The following ZC3H12B variants were observed in gnomAD, a reference collection of about 807,000 sequenced individuals.
ZC3H12B encodes probable ribonuclease ZC3H12B.
Under a neutral mutation model 43.9 loss-of-function variants are expected in ZC3H12B, and 7 were observed. The observed-to-expected ratio is 0.16, with a 90% CI of 0.09 to 0.30. The LOEUF is 0.30. Among genes scored for constraint, ZC3H12B ranks in the 10% least tolerant of loss-of-function variants. ZC3H12B has a pLI of 1.00. For synonymous variants in ZC3H12B, 222 were observed against 241.7 expected (o/e 0.92, Z 0.76); for missense variants, 475 against 670.2 (o/e 0.71, Z 3.22).
rs1333674433 is a variant in ZC3H12B, at chrX:65,423,751, A to G, written n.407+25047A>G. ...AAGTTCCTTGTAGATTCTGGATATT[A>G]GCCCTTTGCCAGATGGATAGATTGC... On this transcript the variant is annotated intron_variant and non_coding_transcript_variant, in intron 3 of 5. Transcript: ENST00000617377. 2.7e-5 allele frequency among the ~76,000 whole-genome samples: 3 copies of G among 111,815 alleles called. No individual in the cohort carries two copies. The East Asian group carries it at 8.4e-4, about 31-fold the overall frequency.
At chrX:65,489,145 C>T (rs1438709670) in exon 1 of ZC3H12B, 3 of 1,210,068 alleles carry the variant, frequency 2.5e-6, no homozygotes, top group Non-Finnish European at 3.4e-6. Context: ...ATGGAGTTTG[C>T]GCTAAAGCTG....
chrX:65,211,097 A>T, the ZC3H12B span, among the ~76,000 whole-genome samples: 2 of 105,798 alleles, frequency 1.9e-5, no homozygotes, highest in Non-Finnish European at 3.9e-5. Context: ...AGAAAAAAAA[A>T]AAAAAAAGAA....
At chrX:65,379,657 C>A (rs776499200) in intron 2 of ZC3H12B, among the ~76,000 whole-genome samples, 3 of 112,151 alleles carry the variant, frequency 2.7e-5, no homozygotes, top group Non-Finnish European at 3.8e-5. Flanking sequence ...TCAAATTAAT[C>A]CAAGCTACGG....
the ZC3H12B span, among the ~76,000 whole-genome samples, chrX:65,201,019 G>C: frequency 4.5e-5 from 5 of 111,681 alleles, no homozygotes; most frequent in African/African-American, 1.3e-4. Context: ...TTGTATGTCT[G>C]CCAGGTTTTG....
chrX:65,373,433 C>T (rs1342913107), intron 2 of ZC3H12B, among the ~76,000 whole-genome samples: 1 of 111,391 alleles, frequency 9.0e-6, no homozygotes, highest in Non-Finnish European at 1.9e-5. Context: ...TATAAAGACA[C>T]ATACACACGT....
the ZC3H12B span, among the ~76,000 whole-genome samples, chrX:65,142,040 T>A: frequency 8.9e-6 from 1 of 112,261 alleles, no homozygotes; most frequent in African/African-American, 3.2e-5. Flanking sequence ...GTAGTGGGAT[T>A]GCTGAATCAA....
intron 2 of ZC3H12B, among the ~76,000 whole-genome samples, chrX:65,375,706 A>G (rs1448926918): frequency 1.8e-5 from 2 of 111,159 alleles, no homozygotes; most frequent in African/African-American, 6.5e-5. Context: ...AAGGGAACCC[A>G]CCACCTTGAA....
At chrX:65,293,503 T>A in the ZC3H12B span, among the ~76,000 whole-genome samples, 9 of 105,751 alleles carry the variant, frequency 8.5e-5, no homozygotes, top group Non-Finnish European at 1.8e-4. Context: ...AAACCAAGAA[T>A]AAATTTCTGA....
intron 1 of ZC3H12B, among the ~76,000 whole-genome samples, chrX:65,493,665 A>G (rs1328691352): frequency 9.0e-6 from 1 of 111,651 alleles, no homozygotes; most frequent in African/African-American, 3.3e-5. Flanking sequence ...CTAATGACCT[A>G]TCTGCTAAGC....
At chrX:65,180,577 A>G in the ZC3H12B span, among the ~76,000 whole-genome samples, 6 of 111,829 alleles carry the variant, frequency 5.4e-5, no homozygotes, top group African/African-American at 1.9e-4. Context: ...CTCAGGATAC[A>G]GAATCAATGT....
chrX:65,152,532 G>A, the ZC3H12B span, among the ~76,000 whole-genome samples: 7 of 111,192 alleles, frequency 6.3e-5, no homozygotes, highest in South Asian at 7.7e-4. Flanking sequence ...TACAAGGGAC[G>A]TGAAGGACCT....
At chrX:65,212,775 G>A in the ZC3H12B span, among the ~76,000 whole-genome samples, 2 of 98,673 alleles carry the variant, frequency 2.0e-5, no homozygotes, top group African/African-American at 7.4e-5. Context: ...GTCTCCCTTA[G>A]TTAGACTATT....
the ZC3H12B span, among the ~76,000 whole-genome samples, chrX:65,063,329 C>T: frequency 5.4e-5 from 6 of 111,543 alleles, no homozygotes; most frequent in African/African-American, 1.3e-4. Context: ...TTTTGAGATA[C>T]GTTCCATCAG....
chrX:65,390,745 C>T (rs894115115), intron 2 of ZC3H12B, among the ~76,000 whole-genome samples: 4 of 107,677 alleles, frequency 3.7e-5, no homozygotes, highest in Non-Finnish European at 7.6e-5. Context: ...ATTTACAGAA[C>T]ATTTCATTCA....
chrX:65,394,039 A>G (rs1463669776), intron 2 of ZC3H12B, among the ~76,000 whole-genome samples: 1 of 111,995 alleles, frequency 8.9e-6, no homozygotes, highest in East Asian at 2.8e-4. Context: ...CCAATTTTCA[A>G]TGAGATTGTT....
intron 3 of ZC3H12B, among the ~76,000 whole-genome samples, chrX:65,457,118 C>A (rs1355909802): frequency 3.4e-5 from 3 of 89,270 alleles, no homozygotes; most frequent in African/African-American, 1.3e-4. Flanking sequence ...GTGAGGAGCG[C>A]CTCTGCTGGG....
intron 3 of ZC3H12B, among the ~76,000 whole-genome samples, chrX:65,457,937 G>A (rs1415105060): frequency 1.2e-4 from 8 of 65,151 alleles, no homozygotes; most frequent in South Asian, 8.6e-4. Context: ...GCGGAAGGCC[G>A]CAGGGTCCTC....
the ZC3H12B span, among the ~76,000 whole-genome samples, chrX:65,176,431 C>T: frequency 2.7e-5 from 3 of 111,472 alleles, no homozygotes; most frequent in Non-Finnish European, 5.6e-5. Flanking sequence ...AACAGAGCAC[C>T]TGGGTGAATG....
chrX:65,285,140 G>T, the ZC3H12B span, among the ~76,000 whole-genome samples: 3 of 109,855 alleles, frequency 2.7e-5, no homozygotes, highest in African/African-American at 1.0e-4. Flanking sequence ...TATTTCAATA[G>T]TTTTTGGGAG....
Sources: allele counts gnomAD v4.1 joint callset (sites outside exome capture counted in the v4.1 genomes callset), GRCh38; gene constraint gnomAD v4.1.1; transcripts MANE v1.5; gene names NCBI Gene and HGNC (gene_info 2026-07-23, HGNC 2026-07-21).